LRRC4C: variants seen among roughly 807,000 people sequenced by gnomAD.
The protein encoded by LRRC4C is leucine-rich repeat-containing protein 4C.
A neutral mutation model predicts 33.6 loss-of-function variants in LRRC4C; 5 were observed. The ratio of observed to expected loss-of-function variants is 0.15; its 90% CI spans 0.08 to 0.31. The LOEUF (loss-of-function observed/expected upper bound fraction) is 0.31. Among genes scored for constraint, LRRC4C ranks in the 10% least tolerant of loss-of-function variants. The pLI is 1.00. For missense variants in LRRC4C, 560 were observed against 796.7 expected, an observed-to-expected ratio of 0.70 and a Z score of 3.58; for synonymous variants, 329 against 302.0, an observed-to-expected ratio of 1.09 and a Z score of -0.93.
rs538497301 is a variant in LRRC4C, at chr11:41,059,949, C to T, written c.-495-126226G>A. Among the ~76,000 whole-genome samples, 70 of 151,740 alleles carry T rather than the reference C, an allele frequency of 4.6e-4. 1 individual carries two copies. Among genetic ancestry groups the T allele is most frequent in the African/African-American group, 1.5e-3 (63 of 41,312 alleles). On this transcript the variant is annotated intron_variant, in intron 1 of 6. Transcript: ENST00000528697. ...CTGAGGCATAAGAATCACTTGAACC[C>T]GGGAGGCAGAGGTTGCAATCAGCCG...
At chr11:40,335,079 A>G (rs1483470528) in intron 3 of LRRC4C, among the ~76,000 whole-genome samples, 2 of 152,218 alleles carry the variant, frequency 1.3e-5, no homozygotes, top group Non-Finnish European at 2.9e-5. Context: ...TTTTAAATGT[A>G]CAAACAAAAA....
intron 1 of LRRC4C, among the ~76,000 whole-genome samples, chr11:41,145,221 A>G (rs1486484983): frequency 2.0e-5 from 3 of 152,224 alleles, no homozygotes; most frequent in East Asian, 1.9e-4. Context: ...ACTTTTGTCA[A>G]TTTTTGGCTT....
At chr11:40,649,235 G>A (rs1203318765) in intron 2 of LRRC4C, among the ~76,000 whole-genome samples, 2 of 152,232 alleles carry the variant, frequency 1.3e-5, no homozygotes, top group East Asian at 3.9e-4. Context: ...TACTGCAGGA[G>A]ACCAGGGCGT....
At chr11:40,477,485 T>A (rs1953298158) in intron 3 of LRRC4C, among the ~76,000 whole-genome samples, 1 of 152,180 alleles carries the variant, frequency 6.6e-6, no homozygotes, top group South Asian at 2.1e-4. Flanking sequence ...ATTACCCACC[T>A]TTTATTTTCA....
intron 3 of LRRC4C, among the ~76,000 whole-genome samples, chr11:40,323,618 T>C (rs1945959767): frequency 6.6e-6 from 1 of 152,224 alleles, no homozygotes; most frequent in Non-Finnish European, 1.5e-5. Context: ...TGAAGGACAG[T>C]TTGCCACAGA....
intron 3 of LRRC4C, among the ~76,000 whole-genome samples, chr11:40,360,790 C>T (rs999149646): frequency 6.6e-6 from 1 of 151,934 alleles, no homozygotes; most frequent in African/African-American, 2.4e-5. Context: ...GGCAGAAACA[C>T]AACAAAAAAA....
intron 1 of LRRC4C, among the ~76,000 whole-genome samples, chr11:41,166,460 C>T (rs1169775835): frequency 6.6e-6 from 1 of 152,112 alleles, no homozygotes; most frequent in African/African-American, 2.4e-5. Flanking sequence ...AGATCCAGCC[C>T]AAGGCATGTG....
intron 3 of LRRC4C, among the ~76,000 whole-genome samples, chr11:40,439,097 ATTT>A (rs200541047): frequency 8.2e-4 from 110 of 134,688 alleles, no homozygotes; most frequent in Admixed American, 2.9e-3. Context: ...CCCCCAGCTA[ATTT>A]TTTTTTTTTT....
At chr11:41,051,649 T>C (rs1858238161) in intron 1 of LRRC4C, among the ~76,000 whole-genome samples, 1 of 152,094 alleles carries the variant, frequency 6.6e-6, no homozygotes, top group African/African-American at 2.4e-5. Flanking sequence ...CTTTCTTTTC[T>C]AGTGACTGGC....
chr11:40,263,061 C>T (rs1043367025), intron 4 of LRRC4C, among the ~76,000 whole-genome samples: 5 of 151,906 alleles, frequency 3.3e-5, no homozygotes, highest in African/African-American at 1.2e-4. Context: ...CCATGATTCA[C>T]AACTCAAACA....
At chr11:41,411,722 A>C (rs559683511) in intron 1 of LRRC4C, among the ~76,000 whole-genome samples, 1 of 152,308 alleles carries the variant, frequency 6.6e-6, no homozygotes, top group South Asian at 2.1e-4. Flanking sequence ...GTCTGTGTGA[A>C]GTTTGCACGT....
intron 2 of LRRC4C, among the ~76,000 whole-genome samples, chr11:40,732,949 T>C (rs753662201): frequency 6.6e-6 from 1 of 151,976 alleles, no homozygotes; most frequent in Non-Finnish European, 1.5e-5. Context: ...GTTTCTATTT[T>C]ACAGATGAGG....
intron 1 of LRRC4C, among the ~76,000 whole-genome samples, chr11:41,224,073 G>GT (rs761940359): frequency 6.6e-6 from 1 of 152,068 alleles, no homozygotes; most frequent in African/African-American, 2.4e-5. Context: ...TAGCTGCCTG[G>GT]TTTTTTGTCC....
chr11:41,102,469 T>C (rs1941247716), intron 1 of LRRC4C, among the ~76,000 whole-genome samples: 2 of 152,052 alleles, frequency 1.3e-5, no homozygotes, highest in Non-Finnish European at 2.9e-5. Flanking sequence ...CATCCATGAA[T>C]TCGTATTGAA....
chr11:40,362,923 G>C (rs7117778), intron 3 of LRRC4C, among the ~76,000 whole-genome samples: 22,293 of 152,104 alleles, frequency 0.15, 2,028 homozygotes, highest in East Asian at 0.3. Context: ...AACAGATGCT[G>C]TCAAGGTTGT....
chr11:40,224,332 T>C (rs1434796726), intron 5 of LRRC4C, among the ~76,000 whole-genome samples: 1 of 152,230 alleles, frequency 6.6e-6, no homozygotes, highest in Non-Finnish European at 1.5e-5. Context: ...TCCCCACAAC[T>C]TGGGCTTTAT....
chr11:40,202,213 CAAAAAAAAAAAAAA>C (rs35644436), intron 5 of LRRC4C, among the ~76,000 whole-genome samples: 1 of 65,014 alleles, frequency 1.5e-5, no homozygotes, highest in South Asian at 6.6e-4. Flanking sequence ...GTGTGATTAC[CAAAAAAAAAAAAAA>C]AAAAAAAAAA....
chr11:40,854,231 C>A (rs1288538411), intron 2 of LRRC4C, among the ~76,000 whole-genome samples: 1 of 152,086 alleles, frequency 6.6e-6, no homozygotes, highest in Non-Finnish European at 1.5e-5. Context: ...ATTGACAAGG[C>A]AGTGTTATGG....
intron 3 of LRRC4C, among the ~76,000 whole-genome samples, chr11:40,582,044 C>T (rs1413105926): frequency 1.3e-5 from 2 of 151,880 alleles, no homozygotes; most frequent in Non-Finnish European, 2.9e-5. Context: ...AGTTATAGTC[C>T]ATCTATTCAA....
Sources: allele counts gnomAD v4.1 joint callset (sites outside exome capture counted in the v4.1 genomes callset), GRCh38; gene constraint gnomAD v4.1.1; transcripts MANE v1.5; gene names NCBI Gene and HGNC (gene_info 2026-07-23, HGNC 2026-07-21).